The following TTBK2 variants were observed in gnomAD, a reference collection of about 807,000 sequenced individuals.
TTBK2 encodes tau tubulin kinase 2.
TTBK2 carries 28 observed loss-of-function variants against 110.8 expected under a neutral mutation model. The observed-to-expected ratio is 0.25, with a 90% CI of 0.19 to 0.35. TTBK2 has a LOEUF of 0.35. TTBK2 is among the 10% of genes least tolerant of loss of function. TTBK2 has a pLI of 1.00. For synonymous variants in TTBK2, 532 were observed against 527.3 expected, an observed-to-expected ratio of 1.01 and a Z score of -0.12; for missense variants, 1,369 against 1,500.3, an observed-to-expected ratio of 0.91 and a Z score of 1.45.
At chr15:42,816,527 G>A (rs558138586) in intron 7 of TTBK2, among the ~76,000 whole-genome samples, 22 of 151,944 alleles carry the variant, frequency 1.4e-4, no homozygotes, top group Admixed American at 3.9e-4. Context: ...ACACTATACC[G>A]TGCATTAGTA....
intron 1 of TTBK2, among the ~76,000 whole-genome samples, chr15:42,893,929 T>C (rs192486405): frequency 2.2e-4 from 33 of 152,304 alleles, no homozygotes; most frequent in African/African-American, 6.7e-4. Flanking sequence ...ACCTCCTTAA[T>C]AGTCCTACTA....
chr15:42,881,795 C>CT (rs1895060168), intron 1 of TTBK2, among the ~76,000 whole-genome samples: 2 of 151,740 alleles, frequency 1.3e-5, no homozygotes, highest in African/African-American at 4.8e-5. Context: ...CGCTTGAACC[C>CT]AGGAGGTGGA....
intron 3 of TTBK2, among the ~76,000 whole-genome samples, chr15:42,855,837 A>G (rs138162035): frequency 6.6e-6 from 1 of 151,964 alleles, no homozygotes; most frequent in Non-Finnish European, 1.5e-5. Flanking sequence ...GGCGCCCGCC[A>G]CCTCGCCCGG....
Position 42,745,439 on chromosome 15 carries a change from A to G in TTBK2, c.*356T>C. 2 of 290,566 alleles carry G rather than the reference A, an allele frequency of 6.9e-6. No individual in the cohort carries two copies. Among genetic ancestry groups the G allele is most frequent in the South Asian group, 3.9e-5 (1 of 25,876 alleles). The allele number at this position is 290,566 out of a possible 1,614,324, so 18.0% of individuals were successfully genotyped here. A position where few individuals can be genotyped will look rare whatever the true frequency, so the allele number is the denominator to read the frequency against. On this transcript the variant is annotated 3_prime_UTR_variant, in exon 15 of 15. Transcript: ENST00000267890. Reference sequence around the variant, plus strand: ...TTCACTTTTGCTATATAATCTTTGAATTGAGGCTTAAAAAAATTAGGCAAC... The same window carrying G: ...TTCACTTTTGCTATATAATCTTTGAGTTGAGGCTTAAAAAAATTAGGCAAC...
chr15:42,757,616 T>C (rs983354159), intron 13 of TTBK2, among the ~76,000 whole-genome samples: 1 of 152,226 alleles, frequency 6.6e-6, no homozygotes, highest in Non-Finnish European at 1.5e-5. Flanking sequence ...TAGTTGAGTA[T>C]AGAGAAGAGA....
In TTBK2 at chr15:42,895,619, G is replaced by T. The variant is rs548977548; in HGVS notation, c.-67-16935C>A. 5.3e-5 allele frequency among the ~76,000 whole-genome samples: 8 copies of T among 151,140 alleles called. No individual in the cohort carries two copies. The East Asian group carries it at 1.6e-3, about 30-fold the overall frequency. The stretch of plus-strand genomic sequence containing the variant: ...GTGGCAGGATCTCAGCTCACTGCAA[G>T]TTCCGCCTCCCGGGTTCACGCCATT... On this transcript the variant is annotated intron_variant, in intron 1 of 14. Coordinates refer to ENST00000267890, the MANE Select transcript of TTBK2 (RefSeq NM_173500.4).
chr15:42,888,948 A>T (rs1013290186), intron 1 of TTBK2, among the ~76,000 whole-genome samples: 2 of 152,082 alleles, frequency 1.3e-5, no homozygotes. Flanking sequence ...TCCACCTATC[A>T]ATCTCTTCTC....
chr15:42,871,262 A>C (rs1336099384), intron 3 of TTBK2, among the ~76,000 whole-genome samples: 4 of 152,184 alleles, frequency 2.6e-5, no homozygotes, highest in African/African-American at 9.6e-5. Context: ...AAAATATATT[A>C]GTTAATAACG....
rs149029842 is a variant in TTBK2, at chr15:42,743,831, A to G, written c.*1964T>C. 4 of 152,350 alleles carry G rather than the reference A, an allele frequency of 2.6e-5. No individual in the cohort carries two copies. In the East Asian group the frequency reaches 5.8e-4, roughly 22 times the overall value. 9.4% of individuals were successfully genotyped at this position (152,350 alleles called of 1,614,324 possible). ...AGGCAAGAAGACTCTGAGGTGTCACATGCCAAGAACATAGTTTCAGAAAAT... is the reference window on the plus strand; with the variant it reads ...AGGCAAGAAGACTCTGAGGTGTCACGTGCCAAGAACATAGTTTCAGAAAAT... On this transcript the variant is annotated 3_prime_UTR_variant, in exon 15 of 15. Coordinates refer to ENST00000267890, the MANE Select transcript of TTBK2 (RefSeq NM_173500.4).
intron 9 of TTBK2, among the ~76,000 whole-genome samples, chr15:42,806,404 T>C (rs1400396596): frequency 6.6e-6 from 1 of 152,220 alleles, no homozygotes; most frequent in Non-Finnish European, 1.5e-5. Context: ...GCAAAAGTAA[T>C]CCTCTTAAAG....
At chr15:42,888,461 G>C (rs879423463) in intron 1 of TTBK2, among the ~76,000 whole-genome samples, 1 of 151,682 alleles carries the variant, frequency 6.6e-6, no homozygotes, top group South Asian at 2.1e-4. Flanking sequence ...TTGGTTTATC[G>C]ATGGCAGTCC....
chr15:42,875,900 C>G (rs941791693), intron 2 of TTBK2, among the ~76,000 whole-genome samples: 2 of 110,896 alleles, frequency 1.8e-5, no homozygotes, highest in Non-Finnish European at 3.4e-5. Context: ...AGCAAGACTC[C>G]GTCTCAAAAA....
chr15:42,890,866 G>A (rs1895428170), intron 1 of TTBK2, among the ~76,000 whole-genome samples: 1 of 151,932 alleles, frequency 6.6e-6, no homozygotes, highest in African/African-American at 2.4e-5. Context: ...TACGTAATAA[G>A]CTCTTTTTGT....
intron 3 of TTBK2, among the ~76,000 whole-genome samples, chr15:42,840,772 G>A (rs1455370417): frequency 2.0e-5 from 3 of 152,164 alleles, no homozygotes; most frequent in Non-Finnish European, 4.4e-5. Context: ...AGCCACAGAA[G>A]AGCAATAAAA....
intron 6 of TTBK2, among the ~76,000 whole-genome samples, chr15:42,822,189 C>T (rs1023556388): frequency 2.0e-5 from 3 of 152,036 alleles, no homozygotes; most frequent in Non-Finnish European, 2.9e-5. Flanking sequence ...ATCAGATGTG[C>T]GTTCTGCAAA....
At chr15:42,858,323 G>A (rs1369959336) in intron 3 of TTBK2, among the ~76,000 whole-genome samples, 2 of 152,110 alleles carry the variant, frequency 1.3e-5, no homozygotes, top group African/African-American at 4.8e-5. Flanking sequence ...CCATTTGTTA[G>A]ACAGAGATAC....
At chr15:42,754,891 C>T (rs947569270) in intron 13 of TTBK2, among the ~76,000 whole-genome samples, 1 of 150,146 alleles carries the variant, frequency 6.7e-6, no homozygotes, top group Non-Finnish European at 1.5e-5. Context: ...GCCTGTAATC[C>T]CAGATACTCA....
chr15:42,904,341 G>A (rs2030247026), intron 1 of TTBK2, among the ~76,000 whole-genome samples: 1 of 152,044 alleles, frequency 6.6e-6, no homozygotes, highest in African/African-American at 2.4e-5. Context: ...GATTATACCT[G>A]AAAAATTAAT....
chr15:42,902,758 C>T (rs761267461), intron 1 of TTBK2, among the ~76,000 whole-genome samples: 23 of 152,006 alleles, frequency 1.5e-4, no homozygotes, highest in Admixed American at 7.2e-4. Flanking sequence ...TTTGCAGGGC[C>T]GAGGTGGGAG....
Sources: allele counts gnomAD v4.1 joint callset (sites outside exome capture counted in the v4.1 genomes callset), GRCh38; gene constraint gnomAD v4.1.1; transcripts MANE v1.5; gene names NCBI Gene and HGNC (gene_info 2026-07-23, HGNC 2026-07-21).